Variants in SPATA7 observed in about 807,000 individuals in gnomAD.
The protein encoded by SPATA7 is spermatogenesis-associated protein 7.
In SPATA7, 43 loss-of-function variants were observed where a neutral mutation model predicts 51.8. That is an observed-to-expected ratio of 0.83 (90% confidence interval 0.65 to 1.07). The LOEUF is 1.07. SPATA7 is among the 50% of genes least tolerant of loss of function. The pLI, the probability that SPATA7 is intolerant of heterozygous loss-of-function variation, is 0.00. For missense variants in SPATA7, 683 were observed against 701.3 expected (o/e 0.97, Z 0.30); for synonymous variants, 230 against 252.8 (o/e 0.91, Z 0.86).
At chr14:88,423,676 T>TCTACAATTGAATTGACTCTTCAAGTG (rs1377852687) in intron 5 of SPATA7, among the ~76,000 whole-genome samples, 7,523 of 13,928 alleles carry the variant, frequency 0.54, 3,669 homozygotes, top group Non-Finnish European at 0.95. Flanking sequence ...AAATAATTTT[T>TCTACAATTGAATTGACTCTTCAAGTG]TTTTTTTTTT....
At position 88,469,305 on chromosome 14, in the gene SPATA7, G is replaced by A. The variant is rs1056900809; in HGVS notation, c.255-542G>A. Among the ~76,000 whole-genome samples the A allele has an allele frequency of 6.6e-6, 1 of 152,108 alleles. No homozygotes were observed. Among genetic ancestry groups the A allele is most frequent in the Non-Finnish European group, 1.5e-5 (1 of 68,026 alleles). ...TGACGGAGATACTGAGTCAGCTGTG[G>A]CATTCTACTCACTACCAAATCATAA... On this transcript the variant is annotated intron_variant, in intron 4 of 4. Transcript: ENST00000556406. This position sits in a 1 kb window ranked among gnomAD's most constrained non-coding sequence, Gnocchi z 4.3.
chr14:88,411,017 T>C (rs2076327663), intron 4 of SPATA7, among the ~76,000 whole-genome samples: 2 of 150,296 alleles, frequency 1.3e-5, no homozygotes. Context: ...CAGGGAGTTT[T>C]ATCTATAAGC....
At chr14:88,455,041 G>A (rs1189321253) in intron 3 of SPATA7, 1 of 455,810 alleles carries the variant, frequency 2.2e-6, no homozygotes, top group South Asian at 1.6e-5. Flanking sequence ...CAAGGCTCAA[G>A]AATTTGCATT....
rs892943476 is a variant in SPATA7 at position 88,469,105 on chromosome 14, A to T, written c.255-742A>T. 8 of 1,595,804 alleles carry T rather than the reference A, an allele frequency of 5.0e-6. No homozygotes were observed. The African/African-American group carries it at 1.1e-4, about 21-fold the overall frequency. On this transcript the variant is annotated intron_variant, in intron 4 of 4. Coordinates refer to the SPATA7 transcript ENST00000556406. The surrounding 1 kb of genome is among the most constrained non-coding windows in gnomAD (Gnocchi z 4.3). ...TGGAAAATCAATGAAATAGAAAAGT[A>T]CTCAAGGATCAAGGCGTATCACATT...
chr14:88,451,681 T>C (rs2077252701), intron 3 of SPATA7, among the ~76,000 whole-genome samples: 1 of 151,450 alleles, frequency 6.6e-6, no homozygotes, highest in South Asian at 2.1e-4. Flanking sequence ...CCCACCACCA[T>C]GCCTAGCTAA....
At chr14:88,462,898 TATA>T (rs778008328) in intron 4 of SPATA7, among the ~76,000 whole-genome samples, 1 of 152,234 alleles carries the variant, frequency 6.6e-6, no homozygotes, top group Non-Finnish European at 1.5e-5. Flanking sequence ...TGTCCCTATT[TATA>T]ATATTAAAGC....
At chr14:88,426,185 C>A in intron 5 of SPATA7, 47 bp from the exon 6 acceptor site, 2 of 1,375,056 alleles carry the variant, frequency 1.5e-6, no homozygotes, top group Non-Finnish European at 2.1e-6. Flanking sequence ...TCCCCAATTA[C>A]ATGAATTCGT....
intron 9 of SPATA7, 170 bp from the exon 10 acceptor site, chr14:88,432,965 A>G: frequency 1.7e-6 from 1 of 594,612 alleles, no homozygotes; most frequent in Non-Finnish European, 2.9e-6. Flanking sequence ...TCCTTGCATA[A>G]TTTGAGAAGG....
intron 4 of SPATA7, chr14:88,466,552 C>T (rs2077366266): frequency 6.6e-6 from 1 of 152,168 alleles, no homozygotes. Context: ...TGGAAGTTCA[C>T]TGTAAGAAGA....
In SPATA7 at chr14:88,426,219, C is replaced by A. The variant is rs748194260; in HGVS notation, c.373-13C>A. On this transcript the variant is annotated splice_polypyrimidine_tract_variant and intron_variant, in intron 5 of 11. Transcript: ENST00000393545. Reference sequence around the variant, plus strand: ...GTAATGCAGTTGATGACTGTCATATCGAATGTTCTTAGCCCTCAGGCGAAC... The same window carrying A: ...GTAATGCAGTTGATGACTGTCATATAGAATGTTCTTAGCCCTCAGGCGAAC... 1 of 1,590,384 alleles carries A rather than the reference C, an allele frequency of 6.3e-7. No homozygotes were observed. Among genetic ancestry groups the A allele is most frequent in the Admixed American group, 1.7e-5 (1 of 59,714 alleles).
chr14:88,449,661 G>A (rs1395684450), intron 3 of SPATA7, among the ~76,000 whole-genome samples: 15 of 152,098 alleles, frequency 9.9e-5, no homozygotes, highest in Non-Finnish European at 1.0e-4. Flanking sequence ...CCTGTCTACT[G>A]CTGTCAGTGG....
intron 3 of SPATA7, among the ~76,000 whole-genome samples, chr14:88,446,501 T>A (rs2140042748): frequency 6.6e-6 from 1 of 151,948 alleles, no homozygotes; most frequent in Middle Eastern, 3.4e-3. Flanking sequence ...TGCTCTGATT[T>A]TAGTTATTTC....
At chr14:88,398,722 G>A (rs945595867) in intron 4 of SPATA7, among the ~76,000 whole-genome samples, 19 of 152,128 alleles carry the variant, frequency 1.2e-4, no homozygotes, top group African/African-American at 3.9e-4. Context: ...GTTAATATTT[G>A]AATTTATGTA....
chr14:88,405,294 CA>C (rs2076172816), intron 4 of SPATA7, among the ~76,000 whole-genome samples: 1 of 152,168 alleles, frequency 6.6e-6, no homozygotes, highest in African/African-American at 2.4e-5. Flanking sequence ...GTGGCCATTG[CA>C]AAGACTTTGG....
rs186111799 is a variant in SPATA7, at chr14:88,396,943, C to G, written c.238+740C>G. On this transcript the variant is annotated intron_variant, in intron 4 of 11. Transcript: ENST00000393545. ...GCTAAAGTGCAGTGGAACGATCTCA[C>G]CTCACTGTAACCTCCACCTCCTGGG... is the stretch of plus-strand genomic sequence containing the variant. 1.4e-3 allele frequency among the ~76,000 whole-genome samples: 207 copies of G among 148,868 alleles called. 1 individual carries two copies. The highest frequency in any genetic ancestry group is 4.9e-3 in the African/African-American group (199 of 40,828).
intron 3 of SPATA7, among the ~76,000 whole-genome samples, chr14:88,448,460 C>T (rs1283165587): frequency 1.3e-5 from 2 of 152,142 alleles, no homozygotes; most frequent in African/African-American, 4.8e-5. Flanking sequence ...GTAATTTGAT[C>T]GTCTGAAGCC....
chr14:88,407,073 A>G (rs2076219349), intron 4 of SPATA7, among the ~76,000 whole-genome samples: 1 of 152,144 alleles, frequency 6.6e-6, no homozygotes, highest in African/African-American at 2.4e-5. Context: ...GCTGCAATAA[A>G]CATATGTGTG....
intron 1 of SPATA7, among the ~76,000 whole-genome samples, chr14:88,388,027 C>G (rs914860238): frequency 6.6e-6 from 1 of 151,688 alleles, no homozygotes; most frequent in Admixed American, 6.6e-5. Flanking sequence ...AGAATTAAAC[C>G]CTGTCTCCAC....
intron 4 of SPATA7, among the ~76,000 whole-genome samples, chr14:88,464,140 T>C (rs2077337447): frequency 6.6e-6 from 1 of 151,996 alleles, no homozygotes; most frequent in Non-Finnish European, 1.5e-5. Flanking sequence ...ACGACCGGCC[T>C]TCCTCATTTT....
Sources: gnomAD v4.1 joint callset for allele counts (sites outside exome capture counted in the v4.1 genomes callset) on GRCh38, gnomAD v4.1.1 for gene constraint, Gnocchi (gnomAD v3.1) non-coding constraint, MANE v1.5 for transcripts, NCBI Gene and HGNC (gene_info 2026-07-23, HGNC 2026-07-21) for gene names.